FRY: variants seen among roughly 807,000 people sequenced by gnomAD.
FRY encodes FRY microtubule binding protein.
FRY carries 128 observed loss-of-function variants against 348.4 expected under a neutral mutation model. That is an observed-to-expected ratio of 0.37 (90% CI 0.32 to 0.43). The LOEUF (loss-of-function observed/expected upper bound fraction) is 0.43, where lower values mean the gene tolerates loss of function less well. Ranked by LOEUF, FRY falls within the 20% of genes least tolerant of loss-of-function variation. The probability of loss-of-function intolerance (pLI) is 1.00; values close to 1 mark genes in which losing one functional copy is unlikely to be tolerated. For missense variants in FRY, 2,736 were observed against 3,695.2 expected (o/e 0.74, Z 6.73); for synonymous variants, 1,370 against 1,374.7 (o/e 1.00, Z 0.08).
intron 39 of FRY, among the ~76,000 whole-genome samples, chr13:32,227,103 A>G (rs1396230020): frequency 6.6e-6 from 1 of 152,220 alleles, no homozygotes; most frequent in Non-Finnish European, 1.5e-5. Flanking sequence ...TACCACTGAT[A>G]TGGTATAAAT....
At chr13:32,192,635 C>A (rs1280915482) in intron 28 of FRY, among the ~76,000 whole-genome samples, 1 of 152,042 alleles carries the variant, frequency 6.6e-6, no homozygotes, top group Non-Finnish European at 1.5e-5. Context: ...TAGGCCCAAA[C>A]CCTGTAAGTA....
At chr13:32,113,888 C>T (rs1251702432) in intron 3 of FRY, among the ~76,000 whole-genome samples, 2 of 152,170 alleles carry the variant, frequency 1.3e-5, no homozygotes, top group Non-Finnish European at 2.9e-5. Context: ...CCCATGCTGA[C>T]CTTTCATCCC....
In FRY at chr13:32,225,973, A is replaced by G; in HGVS notation, c.5205A>G (p.Thr1735=). Residue 1735 remains threonine (T), a splice_region_variant and synonymous_variant, in exon 39 of 61, where the codon ACA becomes ACG. Coordinates refer to ENST00000542859, the MANE Select transcript of FRY (RefSeq NM_023037.3). Reference sequence around the variant, plus strand: ...CCTACCAACCTGAATATCTCTATACAGGTAACAGAGAAGGACTGGTAGAGA... The same window carrying G: ...CCTACCAACCTGAATATCTCTATACGGGTAACAGAGAAGGACTGGTAGAGA... ...QPAYQPEYLY[T]GGFDFLREDQ... is the part of the protein sequence containing the mutation. The G allele has an allele frequency of 6.2e-7, 1 of 1,613,358 alleles. No homozygotes were observed. The highest frequency in any genetic ancestry group is 8.5e-7 in the Non-Finnish European group (1 of 1,179,310).
rs1230802197 is a variant in FRY at position 32,212,323 on chromosome 13, T to C, written c.4623T>C (p.Ala1541=). The C allele has an allele frequency of 9.9e-6, 16 of 1,610,516 alleles. No homozygotes were observed. The highest frequency in any genetic ancestry group is 1.3e-5 in the African/African-American group (1 of 74,832). The change falls in exon 35 of 61, where the codon GCT becomes GCC. Residue 1541 remains alanine, a synonymous_variant. Coordinates refer to ENST00000542859, the MANE Select transcript of FRY (RefSeq NM_023037.3). ...CCTCTAGCAGCAATACAGTGGTTGC[T>C]GGCCAGGAAAATTTCCCAGATGCTG... The part of the protein sequence containing the change: ...GTTSSSNTVV[A]GQENFPDAEE...
intron 1 of FRY, among the ~76,000 whole-genome samples, chr13:32,033,174 T>C (rs1872328390): frequency 6.6e-6 from 1 of 152,264 alleles, no homozygotes; most frequent in African/African-American, 2.4e-5. Context: ...CATTCTTTAC[T>C]TGTCATAGCT....
At chr13:32,256,882 AACACTAACATGACATC>A (rs1887366513) in intron 51 of FRY, among the ~76,000 whole-genome samples, 2 of 152,240 alleles carry the variant, frequency 1.3e-5, no homozygotes, top group African/African-American at 2.4e-5. Context: ...AAACTTTTTG[AACACTAACATGACATC>A]ACAACTGAAA....
Position 32,211,672 on chromosome 13 carries a change from G to T in FRY, c.4592-620G>T, listed in dbSNP as rs553726885. Among the ~76,000 whole-genome samples the T allele has an allele frequency of 2.0e-5, 3 of 152,184 alleles. No individual in the cohort carries two copies. In the East Asian group the frequency reaches 5.8e-4, roughly 29 times the overall value. On this transcript the variant is annotated intron_variant, in intron 34 of 60. Transcript: ENST00000542859. ...CCCTTGGCTATATTCCTTCAGCGTT[G>T]ATTAAAATTCCCCCCAAAAGTATTA...
At chr13:32,133,693 G>A (rs769010444) in intron 8 of FRY, among the ~76,000 whole-genome samples, 1 of 151,542 alleles carries the variant, frequency 6.6e-6, no homozygotes, top group Non-Finnish European at 1.5e-5. Context: ...GAAAATAAAG[G>A]GAAATAGCCA....
chr13:32,048,945 G>C (rs909644851), intron 1 of FRY, among the ~76,000 whole-genome samples: 1 of 152,160 alleles, frequency 6.6e-6, no homozygotes, highest in African/African-American at 2.4e-5. Flanking sequence ...ACATGTGTAG[G>C]GTACTGTGGT....
chr13:32,137,820 A>G (rs1458049658), intron 11 of FRY, among the ~76,000 whole-genome samples: 2 of 152,196 alleles, frequency 1.3e-5, no homozygotes, highest in Non-Finnish European at 2.9e-5. Flanking sequence ...GTATGTGCTT[A>G]TACACGTTAC....
In FRY at chr13:32,109,382, C is replaced by T. The variant is rs1024967355; in HGVS notation, c.324+7366C>T. On this transcript the variant is annotated intron_variant, in intron 3 of 60. Transcript: ENST00000542859. The stretch of plus-strand genomic sequence containing the variant: ...TACACAAATAAAGTGGCAATGTAAA[C>T]GCTATAATAGAGGTTGTATCAAGTG... 3.9e-5 allele frequency among the ~76,000 whole-genome samples: 6 copies of T among 152,066 alleles called. 1 individual carries two copies. The highest frequency in any genetic ancestry group is 2.1e-4 in the South Asian group (1 of 4,824).
chr13:32,167,689 C>T (rs1268757986), intron 17 of FRY, among the ~76,000 whole-genome samples: 1 of 152,204 alleles, frequency 6.6e-6, no homozygotes, highest in Non-Finnish European at 1.5e-5. Context: ...TATGTAGTGT[C>T]TGCAATTCCT....
intron 1 of FRY, among the ~76,000 whole-genome samples, chr13:32,069,790 C>T (rs919554947): frequency 1.1e-4 from 17 of 151,916 alleles, no homozygotes; most frequent in Non-Finnish European, 1.8e-4. Flanking sequence ...GGTATACATG[C>T]GCCATGTTGG....
chr13:32,266,948 C>T (rs1350719249), intron 54 of FRY, among the ~76,000 whole-genome samples: 1 of 152,188 alleles, frequency 6.6e-6, no homozygotes. Flanking sequence ...CATGCCACTG[C>T]ACTCCAGCCT....
chr13:32,087,076 T>G (rs533048468), intron 2 of FRY, among the ~76,000 whole-genome samples: 1 of 152,232 alleles, frequency 6.6e-6, no homozygotes, highest in South Asian at 2.1e-4. Flanking sequence ...ATCTAGCTGG[T>G]TTGCTAACAT....
chr13:32,090,990 G>C (rs1350131346), intron 2 of FRY, among the ~76,000 whole-genome samples: 1 of 152,114 alleles, frequency 6.6e-6, no homozygotes, highest in East Asian at 1.9e-4. Flanking sequence ...ATAGCATAGG[G>C]TACTGGGCAG....
At chr13:32,145,200 T>C (rs1433893132) in intron 11 of FRY, among the ~76,000 whole-genome samples, 4 of 152,178 alleles carry the variant, frequency 2.6e-5, no homozygotes, top group Non-Finnish European at 5.9e-5. Context: ...CCAAGAAATG[T>C]TAGCTTGATC....
intron 17 of FRY, among the ~76,000 whole-genome samples, chr13:32,168,639 G>C (rs547906076): frequency 6.6e-6 from 1 of 152,220 alleles, no homozygotes; most frequent in Admixed American, 6.5e-5. Context: ...AACTACTGAA[G>C]AACTGTAGAT....
At chr13:32,089,014 A>T (rs1243344142) in intron 2 of FRY, among the ~76,000 whole-genome samples, 1 of 152,210 alleles carries the variant, frequency 6.6e-6, no homozygotes, top group Non-Finnish European at 1.5e-5. Flanking sequence ...AAATACGTTC[A>T]ATAATAATGG....
Sources: allele counts gnomAD v4.1 joint callset (sites outside exome capture counted in the v4.1 genomes callset), GRCh38; gene constraint gnomAD v4.1.1; transcripts MANE v1.5; gene names NCBI Gene and HGNC (gene_info 2026-07-23, HGNC 2026-07-21).